Variants in GRID2 observed in about 807,000 individuals in gnomAD.
GRID2 encodes glutamate ionotropic receptor delta type subunit 2, also known as glutamate receptor ionotropic, delta-2.
Under a neutral mutation model 114.8 loss-of-function variants are expected in GRID2, and 33 were observed. The observed-to-expected ratio is 0.29, with a 90% CI of 0.22 to 0.38. GRID2 has a LOEUF of 0.38. Among genes scored for constraint, GRID2 ranks in the 10% least tolerant of loss-of-function variants. The pLI, the probability that GRID2 is intolerant of heterozygous loss-of-function variation, is 1.00. For synonymous variants in GRID2, 505 were observed against 449.9 expected (o/e 1.12, Z -1.55); for missense variants, 1,184 against 1,257.7 (o/e 0.94, Z 0.89).
At chr4:92,441,834 G>A (rs979374400) in intron 1 of GRID2, among the ~76,000 whole-genome samples, 3 of 152,022 alleles carry the variant, frequency 2.0e-5, no homozygotes, top group African/African-American at 7.3e-5. Context: ...TACAAGAGGA[G>A]GACGCAAAGG....
chr4:93,168,217 GAAGGAAAGGA>G (rs758647914), intron 4 of GRID2, among the ~76,000 whole-genome samples: 23 of 150,508 alleles, frequency 1.5e-4, no homozygotes, highest in Non-Finnish European at 2.8e-4. Context: ...AAAGAAAAGG[GAAGGAAAGGA>G]AAGGAAAGGA....
intron 2 of GRID2, among the ~76,000 whole-genome samples, chr4:93,073,637 A>G (rs1204952262): frequency 6.6e-6 from 1 of 152,152 alleles, no homozygotes; most frequent in Non-Finnish European, 1.5e-5. Flanking sequence ...CCTAGAAAGT[A>G]AAAGCCTTAA....
At chr4:92,982,000 T>C (rs1248577723) in intron 2 of GRID2, among the ~76,000 whole-genome samples, 1 of 120,462 alleles carries the variant, frequency 8.3e-6, no homozygotes, top group Non-Finnish European at 1.7e-5. Context: ...CAGAAAAGTA[T>C]CTTCACAGTC....
intron 1 of GRID2, among the ~76,000 whole-genome samples, chr4:92,314,960 C>G (rs971153859): frequency 6.6e-6 from 1 of 151,964 alleles, no homozygotes; most frequent in Non-Finnish European, 1.5e-5. Context: ...TTAAATATTT[C>G]CTTTTATGGA....
intron 2 of GRID2, among the ~76,000 whole-genome samples, chr4:92,806,056 A>G (rs1020024596): frequency 7.2e-5 from 11 of 151,800 alleles, no homozygotes; most frequent in Admixed American, 4.6e-4. Context: ...CTGAAACAAT[A>G]TTTCTCTCAA....
intron 8 of GRID2, among the ~76,000 whole-genome samples, chr4:93,316,457 G>A (rs1206434020): frequency 6.6e-6 from 1 of 152,060 alleles, no homozygotes; most frequent in Non-Finnish European, 1.5e-5. Flanking sequence ...TGTCATCAGT[G>A]TATTAGGAAA....
At chr4:92,788,832 A>C (rs1320259155) in intron 2 of GRID2, among the ~76,000 whole-genome samples, 1 of 151,646 alleles carries the variant, frequency 6.6e-6, no homozygotes. Context: ...TGATATTTTT[A>C]GTATTTTTTG....
intron 2 of GRID2, among the ~76,000 whole-genome samples, chr4:92,929,495 A>G (rs1196057158): frequency 1.3e-5 from 2 of 151,526 alleles, no homozygotes; most frequent in South Asian, 2.1e-4. Context: ...TTTGTATAGT[A>G]AGTATGGATG....
intron 2 of GRID2, among the ~76,000 whole-genome samples, chr4:92,733,435 G>A (rs996460279): frequency 3.9e-5 from 6 of 152,104 alleles, no homozygotes; most frequent in South Asian, 2.1e-4. Context: ...GACCTCTCCC[G>A]AGGAGTCAGA....
intron 4 of GRID2, among the ~76,000 whole-genome samples, chr4:93,172,133 A>C (rs1252674639): frequency 1.3e-5 from 2 of 152,164 alleles, no homozygotes; most frequent in South Asian, 2.1e-4. Flanking sequence ...AACATATACC[A>C]CAAGAATTGT....
At chr4:92,582,509 A>T (rs1395476025) in intron 1 of GRID2, among the ~76,000 whole-genome samples, 1 of 151,984 alleles carries the variant, frequency 6.6e-6, no homozygotes. Context: ...AACTTCTGAT[A>T]TAGTATAAAT....
chr4:92,630,511 C>A (rs902980019), intron 2 of GRID2, among the ~76,000 whole-genome samples: 4 of 152,100 alleles, frequency 2.6e-5, no homozygotes, highest in Admixed American at 2.6e-4. Context: ...CTTTCCTTAA[C>A]CTGATGTGTT....
intron 8 of GRID2, among the ~76,000 whole-genome samples, chr4:93,299,182 A>C (rs1159436027): frequency 1.3e-5 from 2 of 152,174 alleles, no homozygotes; most frequent in East Asian, 3.9e-4. Context: ...GTCGTGGGCT[A>C]TTCCCAGAAC....
intron 2 of GRID2, among the ~76,000 whole-genome samples, chr4:92,927,766 G>A (rs561851412): frequency 6.6e-6 from 1 of 151,814 alleles, no homozygotes; most frequent in South Asian, 2.1e-4. Flanking sequence ...TTCTTATGGA[G>A]ATATTTACAA....
At chr4:93,100,133 T>A (rs1443543507) in intron 3 of GRID2, among the ~76,000 whole-genome samples, 1 of 151,894 alleles carries the variant, frequency 6.6e-6, no homozygotes, top group African/African-American at 2.4e-5. Context: ...GTTAAGTAGG[T>A]AAAATTTATA....
Position 93,485,529 on chromosome 4 carries a change from G to T in GRID2, c.1859-5110G>T, listed in dbSNP as rs114648733. 5.8e-3 allele frequency among the ~76,000 whole-genome samples: 885 copies of T among 151,560 alleles called. 6 individuals are homozygous for T. Among genetic ancestry groups the T allele is most frequent in the African/African-American group, 0.021 (859 of 41,428 alleles). ...TTTACCTTTTATATTTATATCTATA[G>T]GCTGCATGGTATTAATTTCTGTGTA... On this transcript the variant is annotated intron_variant, in intron 11 of 15. Coordinates refer to ENST00000282020, the MANE Select transcript of GRID2 (RefSeq NM_001510.4).
chr4:93,600,246 TACTTA>T (rs1448212784), intron 13 of GRID2, among the ~76,000 whole-genome samples: 4 of 152,118 alleles, frequency 2.6e-5, no homozygotes, highest in Non-Finnish European at 4.4e-5. Context: ...AAAAAAATTC[TACTTA>T]TCAAATATTC....
intron 2 of GRID2, among the ~76,000 whole-genome samples, chr4:92,922,764 C>G (rs1331684330): frequency 6.6e-6 from 1 of 152,134 alleles, no homozygotes. Context: ...ATGAATCTCA[C>G]AAACGTCATG....
chr4:93,259,515 T>C (rs1750008169), intron 8 of GRID2, among the ~76,000 whole-genome samples: 1 of 151,812 alleles, frequency 6.6e-6, no homozygotes, highest in African/African-American at 2.4e-5. Flanking sequence ...TACATGAAAT[T>C]TATACTGTCA....
Sources: allele counts gnomAD v4.1 joint callset (sites outside exome capture counted in the v4.1 genomes callset), GRCh38; gene constraint gnomAD v4.1.1; transcripts MANE v1.5; gene names NCBI Gene and HGNC (gene_info 2026-07-23, HGNC 2026-07-21).